Variants in LDHC observed in about 807,000 individuals in gnomAD.
LDHC encodes L-lactate dehydrogenase C chain.
In LDHC, 20 loss-of-function variants were observed where a neutral mutation model predicts 30.2. That is an observed-to-expected ratio of 0.66 (90% CI 0.47 to 0.96). The LOEUF (loss-of-function observed/expected upper bound fraction) is 0.96, where lower values mean the gene tolerates loss of function less well. Ranked by LOEUF, LDHC falls within the 40% of genes least tolerant of loss-of-function variation. The pLI is 0.00. For missense variants in LDHC, 362 were observed against 394.9 expected (o/e 0.92, Z 0.71); for synonymous variants, 139 against 132.7 (o/e 1.05, Z -0.32).
chr11:18,431,453 ACT>A (rs1848263022), intron 4 of LDHC, among the ~76,000 whole-genome samples: 1 of 152,118 alleles, frequency 6.6e-6, no homozygotes, highest in African/African-American at 2.4e-5. Flanking sequence ...CAAGAGTGAA[ACT>A]CTGTCTCAAA....
intron 4 of LDHC, 52 bp from the exon 5 acceptor site, chr11:18,434,688 A>ATT: frequency 1.0e-6 from 1 of 994,930 alleles, no homozygotes; most frequent in Non-Finnish European, 1.5e-6. Flanking sequence ...GAAAAAAAAA[A>ATT]TTTTTTTAAG....
intron 6 of LDHC, among the ~76,000 whole-genome samples, chr11:18,438,946 T>C (rs1444667215): frequency 1.3e-5 from 2 of 152,222 alleles, no homozygotes; most frequent in Non-Finnish European, 2.9e-5. Context: ...ATTAGTGATA[T>C]GATATTGGGA....
intron 6 of LDHC, among the ~76,000 whole-genome samples, chr11:18,443,511 G>A (rs570043300): frequency 6.7e-6 from 1 of 148,414 alleles, no homozygotes. Context: ...CCAGGCTGGA[G>A]TGTAGTGGCA....
chr11:18,448,921 G>C (rs912083148), intron 7 of LDHC, among the ~76,000 whole-genome samples: 1 of 152,204 alleles, frequency 6.6e-6, no homozygotes, highest in Non-Finnish European at 1.5e-5. Flanking sequence ...GTCACAGTTA[G>C]CACACAGGGC....
intron 5 of LDHC, 73 bp from the exon 6 acceptor site, chr11:18,438,451 TAAAA>T (rs566809745): frequency 1.4e-5 from 13 of 941,106 alleles, no homozygotes; most frequent in Middle Eastern, 2.2e-4. Flanking sequence ...CAACTTAACT[TAAAA>T]AAACAACACT....
chr11:18,431,527 G>A (rs1848264045), intron 4 of LDHC, among the ~76,000 whole-genome samples: 2 of 152,048 alleles, frequency 1.3e-5, no homozygotes, highest in Non-Finnish European at 2.9e-5. Context: ...ATATCATTGT[G>A]TGTGTTTTTG....
At chr11:18,417,847 C>T in intron 3 of LDHC, among the ~76,000 whole-genome samples, 1 of 151,942 alleles carries the variant, frequency 6.6e-6, no homozygotes, top group African/African-American at 2.4e-5. Flanking sequence ...GTAGGAGGGT[C>T]GCATGAGGCC....
At chr11:18,423,151 C>G (rs905974135) in intron 3 of LDHC, among the ~76,000 whole-genome samples, 4 of 151,972 alleles carry the variant, frequency 2.6e-5, no homozygotes, top group African/African-American at 9.7e-5. Context: ...ATGGTGAAAC[C>G]CTGTCTCTGC....
At chr11:18,418,495 T>C (rs1329728972) in intron 3 of LDHC, among the ~76,000 whole-genome samples, 2 of 151,870 alleles carry the variant, frequency 1.3e-5, no homozygotes, top group Non-Finnish European at 2.9e-5. Context: ...AGTGGTGTGA[T>C]CTCTGCTCAC....
intron 3 of LDHC, among the ~76,000 whole-genome samples, chr11:18,423,898 A>G (rs1848111371): frequency 6.6e-6 from 1 of 152,174 alleles, no homozygotes; most frequent in African/African-American, 2.4e-5. Context: ...AATAATTTAC[A>G]AAAGAAGACA....
At chr11:18,428,166 C>CTTTTTTTTTTTT (rs35861956) in intron 3 of LDHC, among the ~76,000 whole-genome samples, 2 of 94,830 alleles carry the variant, frequency 2.1e-5, no homozygotes, top group African/African-American at 4.4e-5. Flanking sequence ...CTTTCTCTCT[C>CTTTTTTTTTTTT]TTTTTTTTTT....
At chr11:18,416,881 TTTATTTAC>T (rs548682839) in intron 3 of LDHC, among the ~76,000 whole-genome samples, 265 of 151,730 alleles carry the variant, frequency 1.7e-3, no homozygotes, top group Non-Finnish European at 2.8e-3. Flanking sequence ...GGAGTGGCTA[TTTATTTAC>T]TTATTTATTT....
At chr11:18,440,793 TG>T (rs1848451533) in intron 6 of LDHC, among the ~76,000 whole-genome samples, 1 of 10,450 alleles carries the variant, frequency 9.6e-5, no homozygotes, top group African/African-American at 2.7e-4. Flanking sequence ...TAGCCAGGCA[TG>T]GTGGTATGTC....
intron 3 of LDHC, among the ~76,000 whole-genome samples, chr11:18,415,737 G>A (rs1470342619): frequency 6.6e-6 from 1 of 151,798 alleles, no homozygotes; most frequent in Non-Finnish European, 1.5e-5. Flanking sequence ...CTGTTGCCCA[G>A]GCTGGAGTGC....
At chr11:18,434,033 G>T (rs1038050633) in intron 4 of LDHC, among the ~76,000 whole-genome samples, 3 of 151,972 alleles carry the variant, frequency 2.0e-5, no homozygotes, top group Admixed American at 6.6e-5. Context: ...TGTTGGATTG[G>T]GTTAATTTGA....
intron 7 of LDHC, 139 bp downstream of exon 7, chr11:18,446,472 CA>C: frequency 4.8e-6 from 3 of 624,816 alleles, no homozygotes; most frequent in African/African-American, 3.8e-5. Flanking sequence ...CAGGTCAGGT[CA>C]AAAAAATACA....
chr11:18,439,831 A>AAC (rs1554964777), intron 6 of LDHC, among the ~76,000 whole-genome samples: 1 of 142,264 alleles, frequency 7.0e-6, no homozygotes, highest in Non-Finnish European at 1.5e-5. Context: ...AAAAAAAAAA[A>AAC]AAAAACAAAA....
At chr11:18,417,122 G>C (rs1867036999) in intron 3 of LDHC, among the ~76,000 whole-genome samples, 1 of 152,172 alleles carries the variant, frequency 6.6e-6, no homozygotes, top group East Asian at 1.9e-4. Context: ...GACCTCAGGT[G>C]ACCCGCCTGC....
chr11:18,425,800 C>T (rs937105058), intron 3 of LDHC, among the ~76,000 whole-genome samples: 2 of 151,672 alleles, frequency 1.3e-5, no homozygotes, highest in African/African-American at 4.8e-5. Flanking sequence ...ATTAGCCAGG[C>T]GTGTTGGCAG....
Sources: gnomAD v4.1 joint callset for allele counts (sites outside exome capture counted in the v4.1 genomes callset) on GRCh38, gnomAD v4.1.1 for gene constraint, MANE v1.5 for transcripts, NCBI Gene and HGNC (gene_info 2026-07-23, HGNC 2026-07-21) for gene names.